HCN1: variants seen among roughly 807,000 people sequenced by gnomAD.
HCN1 encodes potassium/sodium hyperpolarization-activated cyclic nucleotide-gated channel 1.
In HCN1, 13 loss-of-function variants were observed where a neutral mutation model predicts 78.9. The ratio of observed to expected loss-of-function variants is 0.16; its 90% CI spans 0.11 to 0.26. The LOEUF is 0.26. Among genes scored for constraint, HCN1 ranks in the 10% least tolerant of loss-of-function variants. The probability of loss-of-function intolerance (pLI) is 1.00; values close to 1 mark genes in which losing one functional copy is unlikely to be tolerated. For synonymous variants in HCN1, 552 were observed against 455.5 expected (o/e 1.21, Z -2.70); for missense variants, 810 against 1,154.3 (o/e 0.70, Z 4.32).
chr5:45,618,940 G>A (rs1745008577), intron 2 of HCN1, among the ~76,000 whole-genome samples: 1 of 152,070 alleles, frequency 6.6e-6, no homozygotes, highest in East Asian at 1.9e-4. Flanking sequence ...ATTCGGTGGG[G>A]AGTTAAACAT....
At chr5:45,408,096 CA>C (rs1338973557) in intron 3 of HCN1, among the ~76,000 whole-genome samples, 3 of 151,044 alleles carry the variant, frequency 2.0e-5, no homozygotes, top group Admixed American at 1.3e-4. Context: ...AGTGTTACTA[CA>C]AAAAAAGTCA....
intron 2 of HCN1, among the ~76,000 whole-genome samples, chr5:45,583,460 T>C (rs1007581690): frequency 5.9e-5 from 9 of 152,168 alleles, no homozygotes; most frequent in Admixed American, 5.2e-4. Flanking sequence ...GTTTTGTTGA[T>C]CTTTTCAAAA....
intron 4 of HCN1, among the ~76,000 whole-genome samples, chr5:45,372,929 T>C (rs542826728): frequency 2.9e-5 from 4 of 140,298 alleles, no homozygotes; most frequent in East Asian, 4.3e-4. Flanking sequence ...TACACGTATT[T>C]TATACATAAA....
At chr5:45,510,582 A>G (rs1742394407) in intron 2 of HCN1, among the ~76,000 whole-genome samples, 1 of 152,048 alleles carries the variant, frequency 6.6e-6, no homozygotes, top group Non-Finnish European at 1.5e-5. Context: ...ATTTGACAGG[A>G]AATATTAAAT....
At chr5:45,564,863 A>T (rs925281860) in intron 2 of HCN1, among the ~76,000 whole-genome samples, 8 of 152,164 alleles carry the variant, frequency 5.3e-5, no homozygotes, top group African/African-American at 1.2e-4. Context: ...ACAGCAGAAA[A>T]AAAGCATAAA....
intron 6 of HCN1, among the ~76,000 whole-genome samples, chr5:45,294,210 C>T (rs774613398): frequency 1.4e-4 from 21 of 151,946 alleles, no homozygotes; most frequent in Non-Finnish European, 2.4e-4. Flanking sequence ...CGAATAGTCA[C>T]GGTGACCATG....
intron 2 of HCN1, among the ~76,000 whole-genome samples, chr5:45,486,436 AACT>A (rs1300959687): frequency 2.0e-5 from 3 of 152,144 alleles, no homozygotes; most frequent in Non-Finnish European, 4.4e-5. Flanking sequence ...ATGGATAAAG[AACT>A]ACTATTCTCC....
At chr5:45,310,409 A>T (rs1053736047) in intron 5 of HCN1, among the ~76,000 whole-genome samples, 1 of 152,202 alleles carries the variant, frequency 6.6e-6, no homozygotes, top group African/African-American at 2.4e-5. Flanking sequence ...CAAGCATATG[A>T]TAAAGAGATC....
rs749393444 is a variant in HCN1, at chr5:45,625,819, C to CA, written c.849+19365dup. On this transcript the variant is annotated intron_variant, in intron 2 of 7. Transcript: ENST00000303230. ...TTATTGCAAACACCAAAACCAAAAC[C>CA]AAAAAAAAAAAATTCATTGTCTTAT... 9.0e-3 allele frequency among the ~76,000 whole-genome samples: 1,274 copies of CA among 141,680 alleles called. 10 individuals are homozygous for CA. The highest frequency in any genetic ancestry group is 0.018 in the Middle Eastern group (5 of 276). The allele number at this position is 141,680 out of a possible 152,430, so 92.9% of individuals were successfully genotyped here.
In HCN1 at chr5:45,262,491, G is replaced by A. The variant is rs762033519; in HGVS notation, c.2103C>T (p.Thr701=). 6.2e-7 allele frequency: 1 copy of A among 1,613,546 alleles called. No homozygotes were observed. Reference sequence around the variant, plus strand: ...TCTGTACAGGAGGGCTGCAGACCGCGGTGGTGTAGGAGCAGGGTGACAGGA... The same window carrying A: ...TCTGTACAGGAGGGCTGCAGACCGCAGTGGTGTAGGAGCAGGGTGACAGGA... The part of the protein sequence containing the change: ...SAILSPCSYT[T]AVCSPPVQSP... Residue 701 remains threonine, a synonymous_variant, in exon 8 of 8, where the codon ACC becomes ACT. Transcript: ENST00000303230.
intron 3 of HCN1, among the ~76,000 whole-genome samples, chr5:45,453,561 T>C (rs1399546391): frequency 6.6e-6 from 1 of 152,034 alleles, no homozygotes; most frequent in East Asian, 1.9e-4. Flanking sequence ...TAAACATAAA[T>C]TGGCAATGGT....
At chr5:45,554,282 C>T (rs1743427943) in intron 2 of HCN1, among the ~76,000 whole-genome samples, 1 of 151,794 alleles carries the variant, frequency 6.6e-6, no homozygotes. Context: ...AAGTCACAGA[C>T]ATTCTCAGGT....
chr5:45,409,837 A>G (rs762993952), intron 3 of HCN1, among the ~76,000 whole-genome samples: 4 of 151,866 alleles, frequency 2.6e-5, no homozygotes, highest in Admixed American at 1.3e-4. Flanking sequence ...TAAGATCAAA[A>G]TACATAAATA....
chr5:45,483,216 A>T (rs984227499), intron 2 of HCN1, among the ~76,000 whole-genome samples: 1 of 152,154 alleles, frequency 6.6e-6, no homozygotes, highest in Admixed American at 6.5e-5. Flanking sequence ...ACTAATTTAC[A>T]TTCCCACCAA....
chr5:45,479,550 A>G (rs1468161778), intron 2 of HCN1, among the ~76,000 whole-genome samples: 2 of 152,208 alleles, frequency 1.3e-5, no homozygotes, highest in Non-Finnish European at 2.9e-5. Context: ...ATAAAAGGCA[A>G]TTGAAGAAAC....
In HCN1 at chr5:45,581,255, T is replaced by G. The variant is rs571178739; in HGVS notation, c.849+63930A>C. The stretch of plus-strand genomic sequence containing the variant: ...CTAACTGGTGTGAGATGGTATCTCA[T>G]TGTGGTTTTGATTTGCATTTCTCTG... On this transcript the variant is annotated intron_variant, in intron 2 of 7. Coordinates refer to ENST00000303230, the MANE Select transcript of HCN1 (RefSeq NM_021072.4). Among the ~76,000 whole-genome samples, 188 of 152,340 alleles carry G rather than the reference T, an allele frequency of 1.2e-3. 1 individual carries two copies. Among genetic ancestry groups the G allele is most frequent in the Non-Finnish European group, 2.3e-3 (155 of 68,030 alleles).
chr5:45,276,624 G>A (rs988612793), intron 6 of HCN1, among the ~76,000 whole-genome samples: 3 of 152,064 alleles, frequency 2.0e-5, no homozygotes, highest in African/African-American at 7.2e-5. Context: ...CAATTGTGGA[G>A]AATACAAAAT....
chr5:45,472,635 G>A (rs894888899), intron 2 of HCN1, among the ~76,000 whole-genome samples: 1 of 93,304 alleles, frequency 1.1e-5, no homozygotes, highest in Non-Finnish European at 2.1e-5. Context: ...AAAGGGGGGA[G>A]GGAGGGAGGG....
rs1561078185 is a variant in HCN1, at chr5:45,260,440, C to T, written c.*1481G>A. The T allele has an allele frequency of 6.6e-6, 1 of 152,176 alleles. No individual in the cohort carries two copies. The highest frequency in any genetic ancestry group is 1.5e-5 in the Non-Finnish European group (1 of 68,024). The allele number at this position is 152,176 out of a possible 1,614,324, so 9.4% of individuals were successfully genotyped here. Reference sequence around the variant, plus strand: ...CAGACAGACAATGCTCATAGACGTTCAACTTTACCCCTGCTTTCTGTCACC... The same window carrying T: ...CAGACAGACAATGCTCATAGACGTTTAACTTTACCCCTGCTTTCTGTCACC... On this transcript the variant is annotated 3_prime_UTR_variant, in exon 8 of 8. Coordinates refer to ENST00000303230, the MANE Select transcript of HCN1 (RefSeq NM_021072.4).
Sources: gnomAD v4.1 joint callset for allele counts (sites outside exome capture counted in the v4.1 genomes callset) on GRCh38, gnomAD v4.1.1 for gene constraint, MANE v1.5 for transcripts, NCBI Gene and HGNC (gene_info 2026-07-23, HGNC 2026-07-21) for gene names.